CADM2: variants seen among roughly 807,000 people sequenced by gnomAD.
CADM2 encodes the protein immunoglobulin superfamily member 4D.
CADM2 carries 12 observed loss-of-function variants against 49.8 expected under a neutral mutation model. The ratio of observed to expected loss-of-function variants is 0.24; its 90% confidence interval spans 0.15 to 0.39. The LOEUF (loss-of-function observed/expected upper bound fraction) is 0.39, where lower values mean the gene tolerates loss of function less well. Among genes scored for constraint, CADM2 ranks in the 10% least tolerant of loss-of-function variants. The pLI is 1.00. For missense variants in CADM2, 378 were observed against 492.3 expected (o/e 0.77, Z 2.20); for synonymous variants, 214 against 175.4 (o/e 1.22, Z -1.74).
intron 1 of CADM2, among the ~76,000 whole-genome samples, chr3:85,279,535 C>A (rs780298097): frequency 5.3e-5 from 8 of 151,288 alleles, no homozygotes; most frequent in Admixed American, 4.0e-4. Flanking sequence ...ATATTTCCTG[C>A]AGAAATATTT....
At chr3:85,695,153 T>C (rs937145436) in intron 1 of CADM2, among the ~76,000 whole-genome samples, 3 of 152,156 alleles carry the variant, frequency 2.0e-5, no homozygotes, top group African/African-American at 7.2e-5. Flanking sequence ...ATGTTGAAGA[T>C]TTTTGTTGTC....
chr3:85,024,843 A>ATACAATAG (rs1553671239), intron 1 of CADM2, among the ~76,000 whole-genome samples: 1 of 152,056 alleles, frequency 6.6e-6, no homozygotes, highest in Non-Finnish European at 1.5e-5. Context: ...AACATACAAT[A>ATACAATAG]TACAATAGTC....
chr3:85,695,560 A>G (rs1233726571), intron 1 of CADM2, among the ~76,000 whole-genome samples: 1 of 151,856 alleles, frequency 6.6e-6, no homozygotes, highest in African/African-American at 2.4e-5. Context: ...ATATTCATAT[A>G]TATATATACA....
intron 1 of CADM2, among the ~76,000 whole-genome samples, chr3:85,575,583 A>G (rs2062608551): frequency 6.6e-6 from 1 of 152,156 alleles, no homozygotes; most frequent in Non-Finnish European, 1.5e-5. Context: ...AATAAAATAA[A>G]ATAAATGATT....
intron 1 of CADM2, among the ~76,000 whole-genome samples, chr3:85,651,494 G>C (rs1459860172): frequency 6.6e-6 from 1 of 152,050 alleles, no homozygotes; most frequent in African/African-American, 2.4e-5. Flanking sequence ...CAAAAAAGAA[G>C]CATGATAGAA....
chr3:86,021,699 T>C (rs559033560), intron 8 of CADM2, among the ~76,000 whole-genome samples: 2 of 152,308 alleles, frequency 1.3e-5, no homozygotes, highest in South Asian at 4.1e-4. Context: ...ATCCTATTCT[T>C]TGTGAGGGTT....
At chr3:85,562,103 G>T (rs1248222306) in intron 1 of CADM2, among the ~76,000 whole-genome samples, 2 of 152,096 alleles carry the variant, frequency 1.3e-5, no homozygotes, top group Admixed American at 1.3e-4. Context: ...CTAAGCACAG[G>T]ATGGGTTTTT....
chr3:84,987,764 T>C (rs907318401), intron 1 of CADM2, among the ~76,000 whole-genome samples: 2 of 152,186 alleles, frequency 1.3e-5, no homozygotes, highest in Admixed American at 1.3e-4. Flanking sequence ...AGTCAGCAAC[T>C]CATATTTGTT....
chr3:85,495,954 T>C (rs1471904209), intron 1 of CADM2, among the ~76,000 whole-genome samples: 1 of 152,174 alleles, frequency 6.6e-6, no homozygotes, highest in East Asian at 1.9e-4. Context: ...CAGTTATTAA[T>C]AATGGTTTCC....
chr3:85,311,212 G>A lies in CADM2; in HGVS notation c.61+351544G>A, dbSNP rs148117157. 1.9e-3 allele frequency among the ~76,000 whole-genome samples: 284 copies of A among 152,104 alleles called. 1 individual carries two copies. Among genetic ancestry groups the A allele is most frequent in the African/African-American group, 6.3e-3 (261 of 41,516 alleles). ...CTAATAATAGGACTCTTAGCCATCAGTAAATCTCAAAATCTATACATTAGC... is the reference window on the plus strand; with the variant it reads ...CTAATAATAGGACTCTTAGCCATCAATAAATCTCAAAATCTATACATTAGC... On this transcript the variant is annotated intron_variant, in intron 1 of 9. Coordinates refer to ENST00000383699, the MANE Select transcript of CADM2 (RefSeq NM_001167675.2).
At chr3:85,092,975 T>C (rs2037654684) in intron 1 of CADM2, among the ~76,000 whole-genome samples, 1 of 152,206 alleles carries the variant, frequency 6.6e-6, no homozygotes, top group South Asian at 2.1e-4. Flanking sequence ...AACATGCCTT[T>C]TGTTATATCA....
intron 1 of CADM2, among the ~76,000 whole-genome samples, chr3:85,055,393 A>G (rs1052273642): frequency 6.6e-6 from 1 of 152,038 alleles, no homozygotes; most frequent in Non-Finnish European, 1.5e-5. Context: ...CATATCATCA[A>G]GTTAATAAAA....
intron 8 of CADM2, chr3:86,013,669 CTG>C (rs1261413340): frequency 3.9e-5 from 62 of 1,602,680 alleles, no homozygotes; most frequent in East Asian, 1.6e-4. Flanking sequence ...GAGCACCTAA[CTG>C]TGTTGGTGGG....
intron 1 of CADM2, among the ~76,000 whole-genome samples, chr3:85,586,250 A>G (rs1158717916): frequency 6.6e-6 from 1 of 152,128 alleles, no homozygotes; most frequent in African/African-American, 2.4e-5. Context: ...CTGCTGAGAC[A>G]AAACAGTTTC....
At chr3:85,976,508 T>A (rs984938591) in intron 8 of CADM2, among the ~76,000 whole-genome samples, 1 of 151,618 alleles carries the variant, frequency 6.6e-6, no homozygotes, top group South Asian at 2.1e-4. Context: ...TTTCACAATA[T>A]AGCTGAAATA....
At chr3:85,255,043 T>C (rs1202950251) in intron 1 of CADM2, among the ~76,000 whole-genome samples, 1 of 152,094 alleles carries the variant, frequency 6.6e-6, no homozygotes, top group Admixed American at 6.6e-5. Context: ...ATATTAAAAC[T>C]CATAGTCCAA....
At chr3:86,007,257 C>T (rs1185253121) in intron 8 of CADM2, among the ~76,000 whole-genome samples, 1 of 151,582 alleles carries the variant, frequency 6.6e-6, no homozygotes, top group Non-Finnish European at 1.5e-5. Flanking sequence ...CTATTCAAAG[C>T]AGATTTGATA....
intron 1 of CADM2, among the ~76,000 whole-genome samples, chr3:85,270,612 A>G (rs1340041032): frequency 1.3e-5 from 2 of 151,160 alleles, no homozygotes; most frequent in East Asian, 3.9e-4. Context: ...GAAGCTGGCC[A>G]TGATGTGGTG....
intron 1 of CADM2, among the ~76,000 whole-genome samples, chr3:85,232,165 TTA>T: frequency 6.8e-6 from 1 of 146,878 alleles, no homozygotes; most frequent in Non-Finnish European, 1.5e-5. Context: ...TTATTATTAT[TTA>T]GTGATTTTGT....
Sources: allele counts gnomAD v4.1 joint callset (sites outside exome capture counted in the v4.1 genomes callset), GRCh38; gene constraint gnomAD v4.1.1; transcripts MANE v1.5; gene names NCBI Gene and HGNC (gene_info 2026-07-23, HGNC 2026-07-21).